Variants in SPRYD3 observed in about 807,000 individuals in gnomAD.
The protein encoded by SPRYD3 is SPRY domain containing 3.
In SPRYD3, 17 loss-of-function variants were observed where a neutral mutation model predicts 50.1. The observed-to-expected ratio is 0.34, with a 90% confidence interval of 0.23 to 0.51. The LOEUF (loss-of-function observed/expected upper bound fraction) is 0.51. Ranked by LOEUF, SPRYD3 falls within the 20% of genes least tolerant of loss-of-function variation. The probability of loss-of-function intolerance (pLI) is 0.97; values close to 1 mark genes in which losing one functional copy is unlikely to be tolerated. For synonymous variants in SPRYD3, 198 were observed against 215.5 expected, an observed-to-expected ratio of 0.92 and a Z score of 0.71; for missense variants, 401 against 591.2, an observed-to-expected ratio of 0.68 and a Z score of 3.34.
Position 53,075,753 on chromosome 12 carries a change from C to A in SPRYD3, c.229G>T (p.Asp77Tyr), listed in dbSNP as rs1289722231. 2 of 1,614,048 alleles carry A rather than the reference C, an allele frequency of 1.2e-6. No homozygotes were observed. Among genetic ancestry groups the A allele is most frequent in the African/African-American group, 2.7e-5 (2 of 75,024 alleles). Residue 77 changes from aspartate to tyrosine, a missense_variant, in exon 3 of 11, where the codon GAC (aspartate) becomes TAC (tyrosine). By Grantham distance (160) the Asp-to-Tyr change is radical. Transcript: ENST00000301463. ...CYVASRPLTK[D>Y]SNYFEVSIVD... ...TTGATCACCTCAAAATAATTGCTGT[C>A]CTTGGTCAGGGGTCGAGAAGCCACG...
chr12:53,070,039 T>A (rs1040270926), intron 6 of SPRYD3, among the ~76,000 whole-genome samples: 3 of 152,182 alleles, frequency 2.0e-5, no homozygotes, highest in Non-Finnish European at 4.4e-5. Context: ...TGCATTTCTG[T>A]CTCTGGATAG....
At chr12:53,073,935 T>C (rs1288751488) in intron 5 of SPRYD3, among the ~76,000 whole-genome samples, 1 of 148,538 alleles carries the variant, frequency 6.7e-6, no homozygotes, top group Admixed American at 6.7e-5. Context: ...GCAGAAAAGT[T>C]TCCAAATGTG....
At chr12:53,073,720 T>C (rs921190571) in intron 5 of SPRYD3, among the ~76,000 whole-genome samples, 1 of 151,724 alleles carries the variant, frequency 6.6e-6, no homozygotes, top group Non-Finnish European at 1.5e-5. Flanking sequence ...GGCGGGCGCC[T>C]GTAGTCCCAG....
intron 6 of SPRYD3, 23 bp downstream of exon 6, chr12:53,073,263 C>CCCCCCCCCCCCCCCCCCCCT: frequency 5.1e-6 from 1 of 194,982 alleles, no homozygotes; most frequent in Non-Finnish European, 1.2e-5. Flanking sequence ...CCAGCCCCTC[C>CCCCCCCCCCCCCCCCCCCCT]CACCCTCCCA....
chr12:53,074,265 T>C lies in SPRYD3; in HGVS notation c.507+384A>G, dbSNP rs1275757909. Among the ~76,000 whole-genome samples the C allele has an allele frequency of 6.6e-6, 1 of 152,082 alleles. No homozygotes were observed. The highest frequency in any genetic ancestry group is 1.5e-5 in the Non-Finnish European group (1 of 68,014). ...GAAAACAGGACACAGAAAGGACATA[T>C]CCCCAAAAGTGCTCAAGTCAAAACC... On this transcript the variant is annotated intron_variant, in intron 5 of 10. Transcript: ENST00000301463. This position sits in a 1 kb window ranked among gnomAD's most constrained non-coding sequence, Gnocchi z 4.6.
chr12:53,067,576 A>G, intron 8 of SPRYD3, 72 bp downstream of exon 8: 1 of 1,452,782 alleles, frequency 6.9e-7, no homozygotes, highest in Non-Finnish European at 9.7e-7. Flanking sequence ...GGGCCAGGAG[A>G]GGGGAAAGTG....
chr12:53,075,124 G>T lies in SPRYD3; in HGVS notation c.342C>A (p.Asp114Glu), dbSNP rs1261130447. 1 of 1,613,968 alleles carries T rather than the reference G, an allele frequency of 6.2e-7. No individual in the cohort carries two copies. Among genetic ancestry groups the T allele is most frequent in the Admixed American group, 1.7e-5 (1 of 60,024 alleles). The change falls in exon 4 of 11, where the codon GAC (aspartate) becomes GAA (glutamate). Residue 114 changes from aspartate (D) to glutamate (E), a missense_variant. Physicochemically the swap from Asp to Glu is conservative, Grantham distance 45. Coordinates refer to ENST00000301463, the MANE Select transcript of SPRYD3 (RefSeq NM_032840.3). ...SLDHQPGWLP[D>E]SVAYHADDGK... is the part of the protein sequence containing the mutation. ...CATCATCAGCATGGTAGGCTACAGA[G>T]TCAGGCAACCAGCCAGGCTGGTGAT...
At position 53,068,166 on chromosome 12, in the gene SPRYD3, GC is replaced by G; in HGVS notation, c.831del (p.Leu278TrpfsTer73). ...GCCTTTGTGCCCACCTTCCGTGCCA[GC>G]CCCAGGGCGATGTAGCATTTCTCTC... ...DPGEKCYIAL[G>X]LARKDYPKNR... is the part of the protein sequence containing the mutation. On this transcript the variant is annotated frameshift_variant, in exon 7 of 11. Coordinates refer to ENST00000301463, the MANE Select transcript of SPRYD3 (RefSeq NM_032840.3). LOFTEE classifies it high-confidence loss of function. 1 of 1,614,222 alleles carries G rather than the reference GC, an allele frequency of 6.2e-7. No individual in the cohort carries two copies. The highest frequency in any genetic ancestry group is 8.5e-7 in the Non-Finnish European group (1 of 1,180,032).
At chr12:53,070,007 C>G (rs1944537890) in intron 6 of SPRYD3, among the ~76,000 whole-genome samples, 1 of 152,234 alleles carries the variant, frequency 6.6e-6, no homozygotes, top group South Asian at 2.1e-4. Context: ...CCCTTTGCCT[C>G]AGCTCAGAAG....
At chr12:53,071,817 C>T (rs1053278002) in intron 6 of SPRYD3, among the ~76,000 whole-genome samples, 7 of 151,510 alleles carry the variant, frequency 4.6e-5, no homozygotes, top group South Asian at 2.1e-4. Context: ...CCCAGAGGAA[C>T]GGGTGCCCCA....
In SPRYD3 at chr12:53,066,377, C is replaced by T. The variant is rs139156601; in HGVS notation, c.1131G>A (p.Glu377=). 6.7e-5 allele frequency: 108 copies of T among 1,613,850 alleles called. No individual in the cohort carries two copies. In the African/African-American group the frequency reaches 1.2e-3, roughly 18 times the overall value. The change falls in exon 10 of 11, where the codon GAG becomes GAA. Residue 377 remains glutamate (E), a synonymous_variant. Transcript: ENST00000301463. ...CCCCATCCTCTTCCTCTTCCTCTTCCTCCTCTTCCTCTTCCCCTTCCTGGT... is the reference window on the plus strand; with the variant it reads ...CCCCATCCTCTTCCTCTTCCTCTTCTTCCTCTTCCTCTTCCCCTTCCTGGT... ...YLHQEGEEEE[E]EEEEEEDGEE...
In SPRYD3 at chr12:53,065,835, G is replaced by A. The variant is rs948939022; in HGVS notation, c.1326C>T (p.Gly442=). The change falls in exon 11 of 11, where the codon GGC becomes GGT. Residue 442 remains glycine (G), a synonymous_variant. Coordinates refer to ENST00000301463, the MANE Select transcript of SPRYD3 (RefSeq NM_032840.3). The stretch of plus-strand genomic sequence containing the variant: ...GAGCAGGTCTGGAGGGGAGGCCCTA[G>A]CCACTCAAGGGGTGCAGATCTACTT... ...KVKVDLHPLS[G] is the part of the protein sequence containing the mutation. The A allele has an allele frequency of 1.9e-6, 3 of 1,612,428 alleles. No homozygotes were observed. The highest frequency in any genetic ancestry group is 2.7e-5 in the African/African-American group (2 of 75,022).
intron 6 of SPRYD3, 30 bp downstream of exon 6, chr12:53,073,256 G>GCCCCGGGGGGCCCC: frequency 2.4e-6 from 1 of 424,134 alleles, no homozygotes; most frequent in Non-Finnish European, 4.4e-6. Context: ...CTCCGACCCA[G>GCCCCGGGGGGCCCC]CCCCTCCCAC....
At chr12:53,073,257 CCCCTCCCA>C in intron 6 of SPRYD3, 21 bp downstream of exon 6, 1 of 363,996 alleles carries the variant, frequency 2.7e-6, no homozygotes, top group Non-Finnish European at 5.1e-6. Flanking sequence ...TCCGACCCAG[CCCCTCCCA>C]CCCTCCCACC....
At chr12:53,076,579 C>T (rs1054604858) in intron 2 of SPRYD3, among the ~76,000 whole-genome samples, 2 of 152,200 alleles carry the variant, frequency 1.3e-5, no homozygotes, top group South Asian at 2.1e-4. Flanking sequence ...CCAGCAGCCT[C>T]CTGTGTCTGA....
chr12:53,072,326 T>TTCCA (rs1344580638), intron 6 of SPRYD3, among the ~76,000 whole-genome samples: 1 of 151,926 alleles, frequency 6.6e-6, no homozygotes, highest in African/African-American at 2.4e-5. Flanking sequence ...TTTCCCTGAG[T>TTCCA]TCCACTCCAC....
At position 53,079,282 on chromosome 12, in the gene SPRYD3, C is replaced by T. The variant is rs551265376; in HGVS notation, c.23+29G>A. On this transcript the variant is annotated intron_variant, in intron 1 of 10. Coordinates refer to ENST00000301463, the MANE Select transcript of SPRYD3 (RefSeq NM_032840.3). ...CAGGCTCCGGGGAGATACGAGGCCT[C>T]CGGGACCCCGCCCCCGATCCCCGCC... is the stretch of plus-strand genomic sequence containing the variant. 1.0e-5 allele frequency: 16 copies of T among 1,598,446 alleles called. No homozygotes were observed. In the East Asian group the frequency reaches 3.6e-4, roughly 36 times the overall value.
Position 53,074,576 on chromosome 12 carries a change from T to C in SPRYD3, c.507+73A>G, listed in dbSNP as rs878920786. ...CCTGGGCAAGCCCCAGCCAGCAGAC[T>C]CTTCCTAATCACTCCCCACAAATCC... is the stretch of plus-strand genomic sequence containing the variant. On this transcript the variant is annotated intron_variant, in intron 5 of 10. Transcript: ENST00000301463. The surrounding 1 kb of genome is among the most constrained non-coding windows in gnomAD (Gnocchi z 4.6). 9 of 1,591,766 alleles carry C rather than the reference T, an allele frequency of 5.7e-6. No homozygotes were observed. In the Admixed American group the frequency reaches 1.5e-4, roughly 27 times the overall value.
intron 8 of SPRYD3, among the ~76,000 whole-genome samples, chr12:53,066,980 C>A (rs1341281900): frequency 6.6e-6 from 1 of 151,992 alleles, no homozygotes; most frequent in Non-Finnish European, 1.5e-5. Flanking sequence ...CGTGGTGGCG[C>A]CCGTCTGTAG....
Sources: gnomAD v4.1 joint callset for allele counts (sites outside exome capture counted in the v4.1 genomes callset) on GRCh38, gnomAD v4.1.1 for gene constraint, Gnocchi (gnomAD v3.1) non-coding constraint, MANE v1.5 for transcripts, NCBI Gene and HGNC (gene_info 2026-07-23, HGNC 2026-07-21) for gene names.